KDSR: variants seen among roughly 807,000 people sequenced by gnomAD.
The protein encoded by KDSR is 3-ketodihydrosphingosine reductase.
A neutral mutation model predicts 41.3 loss-of-function variants in KDSR; 23 were observed. The ratio of observed to expected loss-of-function variants is 0.56; its 90% CI spans 0.40 to 0.79. The LOEUF is 0.79. KDSR is among the 30% of genes least tolerant of loss of function. KDSR has a pLI of 0.00. For missense variants in KDSR, 351 were observed against 416.8 expected, an observed-to-expected ratio of 0.84 and a Z score of 1.37; for synonymous variants, 138 against 151.7, an observed-to-expected ratio of 0.91 and a Z score of 0.66.
At chr18:63,347,055 T>C (rs1034234707) in intron 6 of KDSR, among the ~76,000 whole-genome samples, 1 of 152,098 alleles carries the variant, frequency 6.6e-6, no homozygotes, top group African/African-American at 2.4e-5. Flanking sequence ...CCTCACTAAC[T>C]GAGTCCCCTG....
intron 9 of KDSR, among the ~76,000 whole-genome samples, chr18:63,334,689 T>A (rs2551408): frequency 0.63 from 95,833 of 152,090 alleles, 31,533 homozygotes; most frequent in Admixed American, 0.73. Context: ...CTTGACTGTA[T>A]GCCCCTGAAG....
At chr18:63,355,461 AG>A (rs757203687) in intron 4 of KDSR, 36 bp downstream of exon 4, 1 of 1,613,580 alleles carries the variant, frequency 6.2e-7, no homozygotes, top group Admixed American at 1.7e-5. Flanking sequence ...TCAAAAGTCA[AG>A]CACATTGGTG....
intron 6 of KDSR, among the ~76,000 whole-genome samples, chr18:63,350,256 G>A (rs1028509478): frequency 2.6e-5 from 4 of 152,330 alleles, no homozygotes; most frequent in Middle Eastern, 3.4e-3. Flanking sequence ...CACTCATCAT[G>A]ACAGACGCTA....
chr18:63,332,982 A>G (rs1433673071), intron 9 of KDSR, among the ~76,000 whole-genome samples: 1 of 152,130 alleles, frequency 6.6e-6, no homozygotes, highest in East Asian at 1.9e-4. Context: ...GACACAGAGA[A>G]GATTCCAAAA....
At chr18:63,344,239 G>A (rs988692997) in intron 7 of KDSR, 171 bp downstream of exon 7, 9 of 534,868 alleles carry the variant, frequency 1.7e-5, no homozygotes, top group African/African-American at 1.3e-4. Flanking sequence ...AAAAGAGGAA[G>A]GAAAGAAGGA....
At position 63,331,131 on chromosome 18, in the gene KDSR, G is replaced by T; in HGVS notation, c.*651C>A. On this transcript the variant is annotated 3_prime_UTR_variant, in exon 10 of 10. Transcript: ENST00000645214. ...TCCCGTCCCCCTCGTAGCTTTATGGGATCAAAGAGAGAGAGAAGCCATGAG... is the reference window on the plus strand; with the variant it reads ...TCCCGTCCCCCTCGTAGCTTTATGGTATCAAAGAGAGAGAGAAGCCATGAG... 2 of 233,212 alleles carry T rather than the reference G, an allele frequency of 8.6e-6. No individual in the cohort carries two copies. Among genetic ancestry groups the T allele is most frequent in the Non-Finnish European group, 1.7e-5 (2 of 118,062 alleles). 14.4% of individuals were successfully genotyped at this position (233,212 alleles called of 1,614,324 possible).
At position 63,362,771 on chromosome 18, in the gene KDSR, A is replaced by C; in HGVS notation, c.198+8T>G. ...GCAAGTCAGTAATAATGAACCTAGA[A>C]GCCTTACCTCATTTCGTGCAACCAG... On this transcript the variant is annotated splice_region_variant and intron_variant, in intron 2 of 9. Transcript: ENST00000645214. 1 of 1,590,406 alleles carries C rather than the reference A, an allele frequency of 6.3e-7. No individual in the cohort carries two copies. Among genetic ancestry groups the C allele is most frequent in the Non-Finnish European group, 8.6e-7 (1 of 1,159,088 alleles).
At chr18:63,360,142 T>G (rs1001321668) in intron 2 of KDSR, among the ~76,000 whole-genome samples, 1 of 152,214 alleles carries the variant, frequency 6.6e-6, no homozygotes, top group African/African-American at 2.4e-5. Context: ...CAAGAACAAC[T>G]CTATTAATAT....
In KDSR at chr18:63,330,728, T is replaced by C. The variant is rs530235237; in HGVS notation, c.*1054A>G. The C allele has an allele frequency of 8.6e-6, 2 of 231,468 alleles. No homozygotes were observed. The highest frequency in any genetic ancestry group is 4.4e-5 in the African/African-American group (2 of 45,412). The allele number at this position is 231,468 out of a possible 1,614,324, so 14.3% of individuals were successfully genotyped here. A position where few individuals can be genotyped will look rare whatever the true frequency, so the allele number is the denominator to read the frequency against. The stretch of plus-strand genomic sequence containing the variant: ...TATGCTCCGAGAAAAAGTCACACTT[T>C]TTAATTTTTTCATTTGCTTTAATTA... On this transcript the variant is annotated 3_prime_UTR_variant, in exon 10 of 10. Transcript: ENST00000645214.
At position 63,328,360 on chromosome 18, in the gene KDSR, T is replaced by TC. The variant is rs1357709626; in HGVS notation, c.*3421_*3422insG. 1.8e-5 allele frequency: 3 copies of TC among 164,256 alleles called. No individual in the cohort carries two copies. The East Asian group carries it at 3.7e-4, about 21-fold the overall frequency. The allele number at this position is 164,256 out of a possible 1,614,324, so 10.2% of individuals were successfully genotyped here. On this transcript the variant is annotated 3_prime_UTR_variant, in exon 10 of 10. Coordinates refer to ENST00000645214, the MANE Select transcript of KDSR (RefSeq NM_002035.4). Reference sequence around the variant, plus strand: ...TCCAGATAAAGATTTTTTTTCTTTTTTTTTTTTTTTGAGACAGAGTCTCGC... The same window carrying TC: ...TCCAGATAAAGATTTTTTTTCTTTTTCTTTTTTTTTTGAGACAGAGTCTCGC...
intron 2 of KDSR, among the ~76,000 whole-genome samples, chr18:63,360,795 G>C (rs938137077): frequency 6.6e-6 from 1 of 151,186 alleles, no homozygotes; most frequent in Admixed American, 6.6e-5. Context: ...GAAGTGAGAG[G>C]ATTGGTTGAG....
At chr18:63,343,824 G>A (rs75800005) in intron 7 of KDSR, among the ~76,000 whole-genome samples, 1,762 of 151,912 alleles carry the variant, frequency 0.012, 21 homozygotes, top group African/African-American at 0.041. Flanking sequence ...GAATGGGAGA[G>A]ATGAGGCAAA....
chr18:63,364,482 C>T (rs1365745610), intron 1 of KDSR, among the ~76,000 whole-genome samples: 3 of 151,120 alleles, frequency 2.0e-5, no homozygotes, highest in Non-Finnish European at 2.9e-5. Flanking sequence ...CTTGCTCAGT[C>T]ACCCAGGCTG....
chr18:63,360,396 T>C (rs1914926250), intron 2 of KDSR, among the ~76,000 whole-genome samples: 1 of 152,220 alleles, frequency 6.6e-6, no homozygotes. Flanking sequence ...TCAGATTATC[T>C]TAATTTGCTG....
intron 9 of KDSR, among the ~76,000 whole-genome samples, chr18:63,332,622 G>A (rs1422879492): frequency 6.6e-6 from 1 of 152,130 alleles, no homozygotes; most frequent in African/African-American, 2.4e-5. Flanking sequence ...ACGAGGTCAG[G>A]AGATTGAGAC....
intron 2 of KDSR, among the ~76,000 whole-genome samples, chr18:63,360,866 A>AGAGCAAAACTCCGT (rs1914941967): frequency 6.7e-6 from 1 of 150,160 alleles, no homozygotes; most frequent in African/African-American, 2.5e-5. Flanking sequence ...CCTGGGTGAC[A>AGAGCAAAACTCCGT]CAGTGAGGCC....
At chr18:63,340,670 T>C (rs1340363328) in intron 7 of KDSR, among the ~76,000 whole-genome samples, 1 of 152,250 alleles carries the variant, frequency 6.6e-6, no homozygotes, top group Non-Finnish European at 1.5e-5. Context: ...ATATAAAAGA[T>C]ATGTCTGTTT....
chr18:63,365,409 CTT>C (rs1214245847), intron 1 of KDSR, among the ~76,000 whole-genome samples: 1 of 152,214 alleles, frequency 6.6e-6, no homozygotes, highest in Non-Finnish European at 1.5e-5. Flanking sequence ...ACTTTTCACT[CTT>C]CTTATGACAT....
rs182733151 is a variant in KDSR at position 63,331,362 on chromosome 18, A to G, written c.*420T>C. 4.3e-6 allele frequency: 1 copy of G among 233,282 alleles called. No homozygotes were observed. The highest frequency in any genetic ancestry group is 1.8e-4 in the South Asian group (1 of 5,512). The allele number at this position is 233,282 out of a possible 1,614,324, so 14.5% of individuals were successfully genotyped here. A position where few individuals can be genotyped will look rare whatever the true frequency, so the allele number is the denominator to read the frequency against. On this transcript the variant is annotated 3_prime_UTR_variant, in exon 10 of 10. Transcript: ENST00000645214. ...AGAGAGAGAACCCGAGAAACCGAAA[A>G]TTGTTTTTTTATGGAAGGTTTAAAC...
Sources: gnomAD v4.1 joint callset for allele counts (sites outside exome capture counted in the v4.1 genomes callset) on GRCh38, gnomAD v4.1.1 for gene constraint, MANE v1.5 for transcripts, NCBI Gene and HGNC (gene_info 2026-07-23, HGNC 2026-07-21) for gene names.